RBPJ: variants seen among roughly 807,000 people sequenced by gnomAD.
The protein encoded by RBPJ is recombination signal binding protein for immunoglobulin kappa J region.
A neutral mutation model predicts 67.8 loss-of-function variants in RBPJ; 9 were observed. That is an observed-to-expected ratio of 0.13 (90% CI 0.08 to 0.23). RBPJ has a LOEUF of 0.23. Ranked by LOEUF, RBPJ falls within the 10% of genes least tolerant of loss-of-function variation. The pLI is 1.00. For missense variants in RBPJ, 305 were observed against 595.6 expected (o/e 0.51, Z 5.08); for synonymous variants, 198 against 203.3 (o/e 0.97, Z 0.22).
chr4:26,109,162 C>T, the RBPJ span, among the ~76,000 whole-genome samples: 1 of 142,490 alleles, frequency 7.0e-6, no homozygotes, highest in East Asian at 2.1e-4. Context: ...GGCTGGAGTG[C>T]GGTGGTGTGA....
chr4:26,280,160 C>T (rs986664702), intron 1 of RBPJ, among the ~76,000 whole-genome samples: 4 of 151,444 alleles, frequency 2.6e-5, no homozygotes, highest in African/African-American at 7.2e-5. Context: ...TTTGGGAGGC[C>T]GAGGTGGATG....
intron 1 of RBPJ, among the ~76,000 whole-genome samples, chr4:26,360,007 T>C (rs960218007): frequency 6.6e-6 from 1 of 152,154 alleles, no homozygotes; most frequent in Non-Finnish European, 1.5e-5. Flanking sequence ...ATCAAAAAAG[T>C]GGGCCTTATT....
intron 1 of RBPJ, among the ~76,000 whole-genome samples, chr4:26,209,091 G>GA (rs869095822): frequency 1.6e-5 from 2 of 127,844 alleles, no homozygotes; most frequent in South Asian, 2.4e-4. Context: ...CATTACAGAA[G>GA]AAAAAAAATA....
chr4:26,168,016 C>G (rs2109113985), intron 1 of RBPJ, among the ~76,000 whole-genome samples: 1 of 152,032 alleles, frequency 6.6e-6, no homozygotes, highest in African/African-American at 2.4e-5. Context: ...TGGGTCTTGA[C>G]TCTTTATCCA....
At chr4:26,262,865 C>G (rs1237593885) in intron 1 of RBPJ, among the ~76,000 whole-genome samples, 1 of 152,184 alleles carries the variant, frequency 6.6e-6, no homozygotes, top group Non-Finnish European at 1.5e-5. Context: ...CCAGTATGCT[C>G]TTCTTCCAGC....
intron 1 of RBPJ, among the ~76,000 whole-genome samples, chr4:26,263,878 T>TTG (rs1553854620): frequency 1.6e-5 from 2 of 128,786 alleles, no homozygotes; most frequent in African/African-American, 7.6e-5. Flanking sequence ...TCTTTTTTTT[T>TTG]TTTGTTTTTG....
the RBPJ span, among the ~76,000 whole-genome samples, chr4:26,135,557 A>G: frequency 3.3e-5 from 5 of 151,972 alleles, no homozygotes; most frequent in Non-Finnish European, 7.4e-5. Flanking sequence ...GAGCTGAGAT[A>G]TGAACCCAAG....
At chr4:26,161,011 G>A (rs1716067150), upstream of RBPJ, among the ~76,000 whole-genome samples, 1 of 152,188 alleles carries the variant, frequency 6.6e-6, no homozygotes, top group South Asian at 2.1e-4. Flanking sequence ...TACTGTTCTT[G>A]GCCCATACTG....
intron 1 of RBPJ, among the ~76,000 whole-genome samples, chr4:26,174,060 A>G (rs1183767432): frequency 6.6e-6 from 1 of 152,228 alleles, no homozygotes; most frequent in Non-Finnish European, 1.5e-5. Context: ...CGCACTTACC[A>G]TTTAGTACTG....
rs138676147 is a variant in RBPJ at position 26,310,815 on chromosome 4, G to A, written c.-166-51631G>A. Among the ~76,000 whole-genome samples the A allele has an allele frequency of 4.1e-3, 627 of 151,944 alleles. 7 individuals carry two copies. Among genetic ancestry groups the A allele is most frequent in the African/African-American group, 0.014 (600 of 41,444 alleles). On this transcript the variant is annotated intron_variant, in intron 1 of 4. Transcript: ENST00000512351. ...CTCCCGAGTAGCTGGGATTACAGGC[G>A]CCTGCCAACGCACCCGGCTAATTTT...
intron 1 of RBPJ, among the ~76,000 whole-genome samples, chr4:26,290,840 TCTC>T (rs1332329227): frequency 6.6e-6 from 1 of 150,802 alleles, no homozygotes; most frequent in African/African-American, 2.4e-5. Context: ...TATTAATGGG[TCTC>T]CTCCTTCGAG....
At chr4:26,203,117 G>T (rs1412766768) in intron 1 of RBPJ, among the ~76,000 whole-genome samples, 3 of 152,078 alleles carry the variant, frequency 2.0e-5, no homozygotes, top group Admixed American at 2.0e-4. Context: ...GGCTAAAAAG[G>T]GTCTATCTGT....
chr4:26,302,194 C>A (rs192955135), intron 1 of RBPJ, among the ~76,000 whole-genome samples: 155 of 152,308 alleles, frequency 1.0e-3, no homozygotes, highest in African/African-American at 2.9e-3. Context: ...CCTGATGGAA[C>A]CTTAGCCATT....
the RBPJ span, among the ~76,000 whole-genome samples, chr4:26,135,463 T>C: frequency 6.6e-6 from 1 of 151,942 alleles, no homozygotes; most frequent in Non-Finnish European, 1.5e-5. Flanking sequence ...GAGGCCAACA[T>C]TAGCAATCCT....
chr4:26,361,544 G>A (rs1354129077), intron 1 of RBPJ, among the ~76,000 whole-genome samples: 4 of 151,912 alleles, frequency 2.6e-5, no homozygotes, highest in Non-Finnish European at 5.9e-5. Flanking sequence ...GTGTAAAGCT[G>A]TTTTCATCTA....
chr4:26,416,863 TTGTA>T (rs1734646731), intron 4 of RBPJ, among the ~76,000 whole-genome samples: 1 of 152,320 alleles, frequency 6.6e-6, no homozygotes, highest in South Asian at 2.1e-4. Flanking sequence ...ATTTAGCTGT[TTGTA>T]TGTCATTTAT....
intron 1 of RBPJ, among the ~76,000 whole-genome samples, chr4:26,259,456 C>T (rs1720456370): frequency 6.6e-6 from 1 of 152,168 alleles, no homozygotes; most frequent in African/African-American, 2.4e-5. Flanking sequence ...GGACCACTTC[C>T]ATCTCTTGGT....
chr4:26,221,722 G>C (rs1388471005), intron 1 of RBPJ, among the ~76,000 whole-genome samples: 1 of 152,244 alleles, frequency 6.6e-6, no homozygotes, highest in African/African-American at 2.4e-5. Flanking sequence ...TGCTGATTGA[G>C]TAGACGAGTA....
the RBPJ span, among the ~76,000 whole-genome samples, chr4:26,140,634 C>T: frequency 8.6e-6 from 1 of 116,930 alleles, no homozygotes; most frequent in African/African-American, 2.9e-5. Context: ...CACCCCCCCA[C>T]CCCCCAAATC....
Sources: allele counts gnomAD v4.1 joint callset (sites outside exome capture counted in the v4.1 genomes callset), GRCh38; gene constraint gnomAD v4.1.1; transcripts MANE v1.5; gene names NCBI Gene and HGNC (gene_info 2026-07-23, HGNC 2026-07-21).